Variants in ITSN1 observed in about 807,000 individuals in gnomAD.
ITSN1 encodes intersectin-1.
A neutral mutation model predicts 239.8 loss-of-function variants in ITSN1; 58 were observed. The ratio of observed to expected loss-of-function variants is 0.24; its 90% CI spans 0.20 to 0.30. The LOEUF is 0.30. Ranked by LOEUF, ITSN1 falls within the 10% of genes least tolerant of loss-of-function variation. The pLI, the probability that ITSN1 is intolerant of heterozygous loss-of-function variation, is 1.00. For synonymous variants in ITSN1, 780 were observed against 770.8 expected (o/e 1.01, Z -0.20); for missense variants, 1,558 against 2,103.3 (o/e 0.74, Z 5.07).
Position 33,888,186 on chromosome 21 carries a change from C to G in ITSN1, c.5052C>G (p.Asp1684Glu). The G allele has an allele frequency of 6.2e-7, 1 of 1,614,084 alleles. No homozygotes were observed. Among genetic ancestry groups the G allele is most frequent in the Non-Finnish European group, 8.5e-7 (1 of 1,180,000 alleles). ...FLGRTEIRVADIKKDQGSKGP... is the reference protein window; with the variant it reads ...FLGRTEIRVAEIKKDQGSKGP... ...GTCGGACGGAGATCCGTGTGGCGGA[C>G]ATCAAGAAAGACCAGGGCTCCAAAG... The change falls in exon 40 of 40, where the codon GAC (aspartate) becomes GAG (glutamate). Residue 1684 changes from aspartate to glutamate, a missense_variant. By Grantham distance (45) the Asp-to-Glu change is conservative. Coordinates refer to ENST00000381318, the MANE Select transcript of ITSN1 (RefSeq NM_003024.3).
intron 1 of ITSN1, among the ~76,000 whole-genome samples, chr21:33,718,096 C>T (rs1156310229): frequency 3.9e-5 from 6 of 152,158 alleles, no homozygotes; most frequent in African/African-American, 1.4e-4. Context: ...TAATCACGTA[C>T]CCTTTCTGAT....
intron 26 of ITSN1, 99 bp from the exon 27 acceptor site, chr21:33,829,525 A>G: frequency 7.9e-7 from 1 of 1,264,496 alleles, no homozygotes; most frequent in East Asian, 2.3e-5. Context: ...ATTGGTTTTG[A>G]TGTGTTCATC....
intron 24 of ITSN1, among the ~76,000 whole-genome samples, chr21:33,823,270 G>T (rs2073794538): frequency 6.6e-6 from 1 of 152,208 alleles, no homozygotes; most frequent in Non-Finnish European, 1.5e-5. Context: ...GTCTTCCCAG[G>T]AATTGTCTCC....
chr21:33,806,124 T>A (rs921799622), intron 20 of ITSN1, among the ~76,000 whole-genome samples: 1 of 149,568 alleles, frequency 6.7e-6, no homozygotes, highest in African/African-American at 2.5e-5. Flanking sequence ...GGCAGGAGAA[T>A]GGCATGAACC....
At chr21:33,785,374 T>C (rs1323686727) in intron 16 of ITSN1, among the ~76,000 whole-genome samples, 1 of 152,240 alleles carries the variant, frequency 6.6e-6, no homozygotes, top group East Asian at 1.9e-4. Context: ...AATCGTACCC[T>C]GGTTCAGCCC....
At chr21:33,873,742 C>T (rs1435954181) in intron 33 of ITSN1, among the ~76,000 whole-genome samples, 2 of 152,078 alleles carry the variant, frequency 1.3e-5, no homozygotes, top group African/African-American at 4.8e-5. Flanking sequence ...CATGGTGGCG[C>T]ACACCTGTTG....
intron 28 of ITSN1, 140 bp downstream of exon 28, chr21:33,834,564 A>G: frequency 1.5e-6 from 1 of 663,382 alleles, no homozygotes; most frequent in East Asian, 2.7e-5. Context: ...ACTGACACCC[A>G]ACTAATGTGA....
chr21:33,849,863 T>G (rs1161045138), intron 29 of ITSN1, among the ~76,000 whole-genome samples: 1 of 152,126 alleles, frequency 6.6e-6, no homozygotes, highest in Non-Finnish European at 1.5e-5. Context: ...AAAAATGCAT[T>G]TGTACTTTCA....
Position 33,645,359 on chromosome 21 carries a change from G to A in ITSN1, c.-33+2646G>A, listed in dbSNP as rs535565430. Among the ~76,000 whole-genome samples the A allele has an allele frequency of 2.0e-5, 3 of 152,218 alleles. No individual in the cohort carries two copies. In the East Asian group the frequency reaches 5.8e-4, roughly 29 times the overall value. On this transcript the variant is annotated intron_variant, in intron 1 of 39. Coordinates refer to ENST00000381318, the MANE Select transcript of ITSN1 (RefSeq NM_003024.3). ...AATGGAGGCACTTGTTAAAAATATA[G>A]GTTTTGGGCATGGTGGATCAAACTT...
intron 1 of ITSN1, among the ~76,000 whole-genome samples, chr21:33,677,714 T>G (rs1214864978): frequency 2.0e-5 from 3 of 152,192 alleles, no homozygotes; most frequent in Admixed American, 2.0e-4. Flanking sequence ...TAAATAGCGC[T>G]GTCAAACACC....
chr21:33,652,668 G>C (rs2088649562), intron 1 of ITSN1, among the ~76,000 whole-genome samples: 1 of 152,076 alleles, frequency 6.6e-6, no homozygotes, highest in Non-Finnish European at 1.5e-5. Context: ...CCAGGACTGG[G>C]TAAAACCATC....
rs74671793 is a variant in ITSN1 at position 33,818,703 on chromosome 21, A to C, written c.2933+231A>C. Among the ~76,000 whole-genome samples, 1,408 of 152,332 alleles carry C rather than the reference A, an allele frequency of 9.2e-3. 13 individuals are homozygous for C. The highest frequency in any genetic ancestry group is 0.034 in the Middle Eastern group (10 of 294). On this transcript the variant is annotated intron_variant, in intron 23 of 39. Coordinates refer to ENST00000381318, the MANE Select transcript of ITSN1 (RefSeq NM_003024.3). ...TGCCTTGTTTTTCATTGCCTTATGC[A>C]AGAAGGAATTCAGCTCTGAGACCTG... is the stretch of plus-strand genomic sequence containing the variant.
chr21:33,841,190 A>G (rs1350902092), intron 29 of ITSN1, among the ~76,000 whole-genome samples: 1 of 152,260 alleles, frequency 6.6e-6, no homozygotes, highest in Non-Finnish European at 1.5e-5. Context: ...GAATCTGGGC[A>G]GACCCAGGCC....
chr21:33,724,673 C>T (rs985291630), intron 4 of ITSN1, among the ~76,000 whole-genome samples: 4 of 152,124 alleles, frequency 2.6e-5, no homozygotes, highest in Non-Finnish European at 4.4e-5. Flanking sequence ...AGAGGTGCTG[C>T]GGATATAGCA....
At chr21:33,868,674 GC>G (rs1215352820) in intron 33 of ITSN1, among the ~76,000 whole-genome samples, 2 of 152,216 alleles carry the variant, frequency 1.3e-5, no homozygotes, top group East Asian at 3.9e-4. Flanking sequence ...GCCGCACGCA[GC>G]CCCGGTTCCT....
chr21:33,706,049 C>T (rs1381442309), intron 1 of ITSN1, among the ~76,000 whole-genome samples: 1 of 152,102 alleles, frequency 6.6e-6, no homozygotes, highest in Non-Finnish European at 1.5e-5. Flanking sequence ...TGTTCATATA[C>T]TTATTGTCAC....
chr21:33,681,984 A>G (rs1324168546), intron 1 of ITSN1, among the ~76,000 whole-genome samples: 2 of 151,442 alleles, frequency 1.3e-5, no homozygotes, highest in African/African-American at 4.9e-5. Context: ...CCAGTTTTAT[A>G]GAGCAGTTCC....
Position 33,894,299 on chromosome 21 carries a change from T to C in ITSN1, c.*5999T>C, listed in dbSNP as rs936034883. 1 of 152,222 alleles carries C rather than the reference T, an allele frequency of 6.6e-6. No individual in the cohort carries two copies. The highest frequency in any genetic ancestry group is 6.5e-5 in the Admixed American group (1 of 15,280). 9.4% of individuals were successfully genotyped at this position (152,222 alleles called of 1,614,324 possible). On this transcript the variant is annotated 3_prime_UTR_variant, in exon 40 of 40. Transcript: ENST00000381318. Reference sequence around the variant, plus strand: ...CCATTCAAAGGAACCCTCTTTACCCTGGCCCTGGGGGAGCCATATTACACC... The same window carrying C: ...CCATTCAAAGGAACCCTCTTTACCCCGGCCCTGGGGGAGCCATATTACACC...
At chr21:33,823,421 C>A in intron 24 of ITSN1, 66 bp from the exon 25 acceptor site, 1 of 1,458,666 alleles carries the variant, frequency 6.9e-7, no homozygotes, top group Non-Finnish European at 9.4e-7. Context: ...CTTGCTTTTG[C>A]AAAGCTGTCT....
Sources: allele counts gnomAD v4.1 joint callset (sites outside exome capture counted in the v4.1 genomes callset), GRCh38; gene constraint gnomAD v4.1.1; transcripts MANE v1.5; gene names NCBI Gene and HGNC (gene_info 2026-07-23, HGNC 2026-07-21).